Variants in STX8 observed in about 807,000 individuals in gnomAD.
STX8 encodes the protein syntaxin-8.
A neutral mutation model predicts 37.5 loss-of-function variants in STX8; 23 were observed. The observed-to-expected ratio is 0.61, with a 90% CI of 0.44 to 0.87. STX8 has a LOEUF of 0.87. Among genes scored for constraint, STX8 ranks in the 40% least tolerant of loss-of-function variants. The pLI is 0.00. For missense variants in STX8, 313 were observed against 284.7 expected (o/e 1.10, Z -0.71); for synonymous variants, 115 against 99.1 (o/e 1.16, Z -0.95).
At chr17:9,367,379 A>G (rs1329548301) in intron 7 of STX8, among the ~76,000 whole-genome samples, 1 of 152,000 alleles carries the variant, frequency 6.6e-6, no homozygotes, top group African/African-American at 2.4e-5. Context: ...CACCATCCAG[A>G]TCACAACCTT....
chr17:9,563,807 GA>G (rs1364522810), intron 2 of STX8, among the ~76,000 whole-genome samples: 4 of 149,688 alleles, frequency 2.7e-5, no homozygotes, highest in East Asian at 3.9e-4. Context: ...ACATAAGACA[GA>G]AAAAAAAAGA....
Position 9,412,705 on chromosome 17 carries a change from G to C in STX8, c.542-34052C>G, listed in dbSNP as rs190840100. Among the ~76,000 whole-genome samples, 4 of 152,294 alleles carry C rather than the reference G, an allele frequency of 2.6e-5. No individual in the cohort carries two copies. In the East Asian group the frequency reaches 7.7e-4, roughly 29 times the overall value. On this transcript the variant is annotated intron_variant, in intron 6 of 7. Coordinates refer to ENST00000306357, the MANE Select transcript of STX8 (RefSeq NM_004853.3). ...TCCTATGCCATAGATCACCATAACTGATGTGCCCTCGACATTATCTCAGAG... is the reference window on the plus strand; with the variant it reads ...TCCTATGCCATAGATCACCATAACTCATGTGCCCTCGACATTATCTCAGAG...
At chr17:9,459,011 T>C (rs2142415730) in intron 6 of STX8, among the ~76,000 whole-genome samples, 1 of 151,992 alleles carries the variant, frequency 6.6e-6, no homozygotes, top group African/African-American at 2.4e-5. Flanking sequence ...TTTTGTATTT[T>C]TTAGTAGAGA....
At chr17:9,273,164 C>G (rs965843769) in intron 7 of STX8, 8 of 152,226 alleles carry the variant, frequency 5.3e-5, no homozygotes, top group African/African-American at 1.9e-4. Context: ...GACATAGAGG[C>G]AGGAACTGGA....
intron 6 of STX8, among the ~76,000 whole-genome samples, chr17:9,424,301 G>A (rs9912462): frequency 0.22 from 33,036 of 151,682 alleles, 3,900 homozygotes; most frequent in Middle Eastern, 0.28. Flanking sequence ...TGGGGCCTAA[G>A]GTTCTGCTTG....
chr17:9,386,158 G>A (rs1912006455), intron 6 of STX8, among the ~76,000 whole-genome samples: 1 of 148,296 alleles, frequency 6.7e-6, no homozygotes, highest in Admixed American at 6.7e-5. Flanking sequence ...CCTTATTCAT[G>A]AGGGCCCCAA....
At chr17:9,414,516 T>G (rs1013841721) in intron 6 of STX8, among the ~76,000 whole-genome samples, 4 of 152,118 alleles carry the variant, frequency 2.6e-5, no homozygotes, top group African/African-American at 9.7e-5. Flanking sequence ...AACAAACAGC[T>G]CAAGGACAGG....
chr17:9,285,648 A>AC (rs1214278167), intron 7 of STX8, among the ~76,000 whole-genome samples: 2 of 152,212 alleles, frequency 1.3e-5, no homozygotes, highest in African/African-American at 2.4e-5. Context: ...GTAGTCCCAA[A>AC]CAGTGATCAC....
chr17:9,535,056 T>C (rs1345355691), intron 4 of STX8, among the ~76,000 whole-genome samples: 3 of 152,206 alleles, frequency 2.0e-5, no homozygotes, highest in East Asian at 1.9e-4. Flanking sequence ...TAGAGCCAAG[T>C]AGGAAAAACG....
chr17:9,556,052 C>T (rs540091862), intron 3 of STX8, among the ~76,000 whole-genome samples: 41 of 152,154 alleles, frequency 2.7e-4, no homozygotes, highest in African/African-American at 8.7e-4. Context: ...ATTCCAATTG[C>T]GTTAAAAATA....
intron 6 of STX8, among the ~76,000 whole-genome samples, chr17:9,466,040 G>A (rs1013629739): frequency 6.6e-5 from 10 of 151,554 alleles, no homozygotes; most frequent in African/African-American, 1.7e-4. Flanking sequence ...GCGCAATCTC[G>A]GCTCACTGCA....
At chr17:9,364,253 A>T (rs1911153723) in intron 7 of STX8, among the ~76,000 whole-genome samples, 1 of 152,170 alleles carries the variant, frequency 6.6e-6, no homozygotes, top group Non-Finnish European at 1.5e-5. Context: ...ATGCCAATAT[A>T]TTCATCAAAG....
chr17:9,303,143 T>G (rs557783433), intron 7 of STX8, among the ~76,000 whole-genome samples: 5 of 151,732 alleles, frequency 3.3e-5, no homozygotes, highest in African/African-American at 1.2e-4. Flanking sequence ...ATACAAAAAT[T>G]AGCTGGGCGT....
chr17:9,339,230 G>A (rs1477587932), intron 7 of STX8, among the ~76,000 whole-genome samples: 1 of 152,126 alleles, frequency 6.6e-6, no homozygotes, highest in Non-Finnish European at 1.5e-5. Context: ...GGCTGCTCAG[G>A]GAGACAAGTA....
At chr17:9,329,050 CAAAAAAAAAAAAAAAAAAAA>C (rs998679728) in intron 7 of STX8, among the ~76,000 whole-genome samples, 2 of 28,010 alleles carry the variant, frequency 7.1e-5, no homozygotes, top group Non-Finnish European at 1.9e-4. Flanking sequence ...GATTCCATCT[CAAAAAAAAAAAAAAAAAAAA>C]AAAAAAAAAA....
chr17:9,306,241 G>A (rs1908979648), intron 7 of STX8, among the ~76,000 whole-genome samples: 1 of 152,050 alleles, frequency 6.6e-6, no homozygotes, highest in African/African-American at 2.4e-5. Context: ...GTTTGTGTCA[G>A]TACACTCTGT....
intron 6 of STX8, among the ~76,000 whole-genome samples, chr17:9,429,315 ATTT>A (rs918573018): frequency 6.8e-6 from 1 of 146,206 alleles, no homozygotes; most frequent in South Asian, 2.1e-4. Flanking sequence ...TTATTTATAT[ATTT>A]TTATTATATA....
At chr17:9,395,108 C>T (rs1346169262) in intron 6 of STX8, among the ~76,000 whole-genome samples, 4 of 151,526 alleles carry the variant, frequency 2.6e-5, no homozygotes, top group Non-Finnish European at 4.4e-5. Context: ...AATTCTTCCA[C>T]ACCCCTCAGT....
chr17:9,544,571 T>C (rs2142567128), intron 4 of STX8, among the ~76,000 whole-genome samples: 1 of 151,672 alleles, frequency 6.6e-6, no homozygotes, highest in Non-Finnish European at 1.5e-5. Context: ...TAGAAGGCAG[T>C]TAACAAAGCA....
Sources: gnomAD v4.1 joint callset for allele counts (sites outside exome capture counted in the v4.1 genomes callset) on GRCh38, gnomAD v4.1.1 for gene constraint, MANE v1.5 for transcripts, NCBI Gene and HGNC (gene_info 2026-07-23, HGNC 2026-07-21) for gene names.